The following BRPF1 variants were observed in gnomAD, a reference collection of about 807,000 sequenced individuals.
The protein encoded by BRPF1 is peregrin.
A neutral mutation model predicts 115.0 loss-of-function variants in BRPF1; 15 were observed. The ratio of observed to expected loss-of-function variants is 0.13; its 90% confidence interval spans 0.09 to 0.20. The LOEUF (loss-of-function observed/expected upper bound fraction) is 0.20, where lower values mean the gene tolerates loss of function less well. Ranked by LOEUF, BRPF1 falls within the 10% of genes least tolerant of loss-of-function variation. The probability of loss-of-function intolerance (pLI) is 1.00; values close to 1 mark genes in which losing one functional copy is unlikely to be tolerated. For synonymous variants in BRPF1, 647 were observed against 619.8 expected, an observed-to-expected ratio of 1.04 and a Z score of -0.65; for missense variants, 1,118 against 1,638.3, an observed-to-expected ratio of 0.68 and a Z score of 5.48.
At chr3:9,732,387 A>T (rs2076868202) in intron 1 of BRPF1, 1 of 152,208 alleles carries the variant, frequency 6.6e-6, no homozygotes, top group African/African-American at 2.4e-5. Context: ...ACGCCGCCGC[A>T]TCCGGAGAGT....
At chr3:9,744,637 C>T in intron 9 of BRPF1, 129 bp downstream of exon 9, 1 of 696,524 alleles carries the variant, frequency 1.4e-6, no homozygotes, top group South Asian at 2.2e-5. Context: ...AATCCTTTAA[C>T]TCCACTCACT....
At chr3:9,741,564 G>A (rs760217257) in intron 5 of BRPF1, 125 bp downstream of exon 5, 49 of 1,045,130 alleles carry the variant, frequency 4.7e-5, no homozygotes, top group African/African-American at 6.6e-5. Flanking sequence ...GTGAACCTGG[G>A]AGGAGGGGTT....
chr3:9,735,321 C>G (rs1035364737), intron 2 of BRPF1, among the ~76,000 whole-genome samples: 1 of 152,156 alleles, frequency 6.6e-6, no homozygotes, highest in African/African-American at 2.4e-5. Context: ...CCAGACTTAT[C>G]TGAAATCACA....
At position 9,739,756 on chromosome 3, in the gene BRPF1, G is replaced by A. The variant is rs376628114; in HGVS notation, c.1357G>A (p.Ala453Thr). 6.2e-7 allele frequency: 1 copy of A among 1,614,232 alleles called. No homozygotes were observed. The highest frequency in any genetic ancestry group is 8.5e-7 in the Non-Finnish European group (1 of 1,180,022). The change falls in exon 3 of 14, where the codon GCA becomes ACA. Residue 453 changes from alanine to threonine, a missense_variant. Coordinates refer to ENST00000383829, the MANE Select transcript of BRPF1 (RefSeq NM_001003694.2). Reference protein sequence around the residue: ...YCDIHTPPGSARRLPALSHSE... With the variant: ...YCDIHTPPGSTRRLPALSHSE... ...CGACATCCACACGCCTCCAGGTTCA[G>A]CACGCCGACTGCCTGCCCTGTCCCA...
rs1405478969 is a variant in BRPF1, at chr3:9,745,711, TAAGTTCCCTTGCCCAAGG to T, written c.3205+3_3205+20del. The T allele has an allele frequency of 6.2e-7, 1 of 1,613,896 alleles. No individual in the cohort carries two copies. Among genetic ancestry groups the T allele is most frequent in the Admixed American group, 1.7e-5 (1 of 60,032 alleles). ...CTGGCCGCGGCGTGGGCCACAGCAG[TAAGTTCCCTTGCCCAAGG>T]CCAGGGATGCTGGGGACCCAGTGTC... On this transcript the variant is annotated splice_donor_5th_base_variant and intron_variant, in intron 11 of 13. Coordinates refer to ENST00000383829, the MANE Select transcript of BRPF1 (RefSeq NM_001003694.2). This position sits in a 1 kb window ranked among gnomAD's most constrained non-coding sequence, Gnocchi z 5.1.
At chr3:9,746,249 G>C in intron 12 of BRPF1, 51 bp from the exon 13 acceptor site, 1 of 1,495,988 alleles carries the variant, frequency 6.7e-7, no homozygotes, top group Non-Finnish European at 8.9e-7. Context: ...AGGAGGAAAA[G>C]CCTTGGGAGG....
chr3:9,734,882 A>C lies in BRPF1; in HGVS notation c.599+143A>C. 2 of 977,196 alleles carry C rather than the reference A, an allele frequency of 2.0e-6. No individual in the cohort carries two copies. Among genetic ancestry groups the C allele is most frequent in the Non-Finnish European group, 3.0e-6 (2 of 664,462 alleles). The allele number at this position is 977,196 out of a possible 1,614,324, so 60.5% of individuals were successfully genotyped here. On this transcript the variant is annotated intron_variant, in intron 2 of 13. Transcript: ENST00000383829. This position sits in a 1 kb window ranked among gnomAD's most constrained non-coding sequence, Gnocchi z 5.7. Reference sequence around the variant, plus strand: ...TGATTTTGCCAGGGCAGTGAGTGGAATGGTACGCCACTAATGCACTTACTC... The same window carrying C: ...TGATTTTGCCAGGGCAGTGAGTGGACTGGTACGCCACTAATGCACTTACTC...
chr3:9,743,161 G>A lies in BRPF1; in HGVS notation c.2219G>A (p.Arg740His), dbSNP rs1359599082. 5.6e-6 allele frequency: 9 copies of A among 1,614,092 alleles called. No individual in the cohort carries two copies. Among genetic ancestry groups the A allele is most frequent in the Middle Eastern group, 1.6e-4 (1 of 6,084 alleles). ...GGTGCTGTGCTCCGCCAGGCCCGGCGCCAGGCAGAAAAAATGGGCATTGAC... is the reference window on the plus strand; with the variant it reads ...GGTGCTGTGCTCCGCCAGGCCCGGCACCAGGCAGAAAAAATGGGCATTGAC... ...QGGAVLRQARRQAEKMGIDFE... is the reference protein window; with the variant it reads ...QGGAVLRQARHQAEKMGIDFE... The change falls in exon 7 of 14, where the codon CGC becomes CAC. Residue 740 changes from arginine to histidine, a missense_variant. Physicochemically the swap from Arg to His is conservative, Grantham distance 29. This residue lies in a region of BRPF1 where 223 missense variants were observed against 240.7 expected (regional missense o/e 0.93). Coordinates refer to ENST00000383829, the MANE Select transcript of BRPF1 (RefSeq NM_001003694.2). The surrounding 1 kb of genome is among the most constrained non-coding windows in gnomAD (Gnocchi z 6.1).
intron 9 of BRPF1, among the ~76,000 whole-genome samples, 178 bp downstream of exon 9, chr3:9,744,686 C>T (rs188634385): frequency 4.6e-5 from 7 of 152,360 alleles, no homozygotes; most frequent in Admixed American, 3.9e-4. Context: ...AGAGACACTA[C>T]GACCCAGCTA....
At position 9,747,137 on chromosome 3, in the gene BRPF1, A is replaced by G; in HGVS notation, c.3480-29A>G. ...GCTGGTCCTTGTTCTCCCTGAGATG[A>G]TTTATTTGATCTTCACCTTATCCTA... is the stretch of plus-strand genomic sequence containing the variant. On this transcript the variant is annotated intron_variant, in intron 13 of 13. Transcript: ENST00000383829. This position sits in a 1 kb window ranked among gnomAD's most constrained non-coding sequence, Gnocchi z 5.6. 2 of 1,612,278 alleles carry G rather than the reference A, an allele frequency of 1.2e-6. No homozygotes were observed. The highest frequency in any genetic ancestry group is 2.2e-5 in the South Asian group (2 of 91,024).
Position 9,747,469 on chromosome 3 carries a change from G to C in BRPF1, c.*120G>C. The C allele has an allele frequency of 1.6e-6, 2 of 1,277,066 alleles. No homozygotes were observed. Among genetic ancestry groups the C allele is most frequent in the East Asian group, 2.5e-5 (1 of 40,478 alleles). The allele number at this position is 1,277,066 out of a possible 1,614,324, so 79.1% of individuals were successfully genotyped here. On this transcript the variant is annotated 3_prime_UTR_variant, in exon 14 of 14. Coordinates refer to ENST00000383829, the MANE Select transcript of BRPF1 (RefSeq NM_001003694.2). This position sits in a 1 kb window ranked among gnomAD's most constrained non-coding sequence, Gnocchi z 5.6. ...ATTTCTGGTCTTGGGGCCAGTCTCA[G>C]GGGAAGCTGGGTGGGGGAGGTCCCT...
chr3:9,746,866 T>C (rs2077135214), intron 13 of BRPF1, among the ~76,000 whole-genome samples: 1 of 152,220 alleles, frequency 6.6e-6, no homozygotes, highest in African/African-American at 2.4e-5. Context: ...GCAGAGGATA[T>C]TCAATGTCAG....
In BRPF1 at chr3:9,745,190, G is replaced by A; in HGVS notation, c.3068+35G>A. 1 of 1,605,410 alleles carries A rather than the reference G, an allele frequency of 6.2e-7. No homozygotes were observed. The highest frequency in any genetic ancestry group is 8.5e-7 in the Non-Finnish European group (1 of 1,176,486). ...CTCCAGATCGAGGCCAACCTCAGGG[G>A]ATGCCCTTCCAGGGCTCTTGGGCCT... is the stretch of plus-strand genomic sequence containing the variant. On this transcript the variant is annotated intron_variant, in intron 10 of 13. Coordinates refer to ENST00000383829, the MANE Select transcript of BRPF1 (RefSeq NM_001003694.2). The surrounding 1 kb of genome is among the most constrained non-coding windows in gnomAD (Gnocchi z 5.1).
chr3:9,741,666 G>C (rs1303762796), intron 5 of BRPF1, among the ~76,000 whole-genome samples: 1 of 150,804 alleles, frequency 6.6e-6, no homozygotes, highest in African/African-American at 2.4e-5. Flanking sequence ...AGACCCAGGA[G>C]AAGGAATAGC....
In BRPF1 at chr3:9,734,520, A is replaced by G. The variant is rs752723559; in HGVS notation, c.380A>G (p.Glu127Gly). ...GTGTCAGAGGATGAGGAAGCCCCCG[A>G]GGAGGCCCCTGAGAATGGCAGCAAC... ...DVVSEDEEAP[E>G]EAPENGSNKE... Residue 127 changes from glutamate (E) to glycine (G), a missense_variant, in exon 2 of 14, where the codon GAG (glutamate) becomes GGG (glycine). By Grantham distance (98) the Glu-to-Gly change is moderately conservative (BLOSUM62 -2). Transcript: ENST00000383829. The surrounding 1 kb of genome is among the most constrained non-coding windows in gnomAD (Gnocchi z 5.7). 68 of 1,614,006 alleles carry G rather than the reference A, an allele frequency of 4.2e-5. No individual in the cohort carries two copies. In the Admixed American group the frequency reaches 1.1e-3, roughly 26 times the overall value.
chr3:9,738,758 C>T (rs140174113), intron 2 of BRPF1, among the ~76,000 whole-genome samples: 1 of 152,346 alleles, frequency 6.6e-6, no homozygotes, highest in Non-Finnish European at 1.5e-5. Flanking sequence ...ATCCCAGCTC[C>T]ACCACTTTCT....
At chr3:9,746,051 G>A (rs954950040) in intron 12 of BRPF1, 121 bp downstream of exon 12, 2 of 1,212,942 alleles carry the variant, frequency 1.6e-6, no homozygotes, top group African/African-American at 1.5e-5. Flanking sequence ...AGGTAGACTG[G>A]TGGGCAGATA....
intron 9 of BRPF1, 44 bp from the exon 10 acceptor site, chr3:9,744,964 C>T (rs751996004): frequency 1.2e-6 from 2 of 1,613,682 alleles, no homozygotes; most frequent in Non-Finnish European, 1.7e-6. Flanking sequence ...TGATCTACAT[C>T]TTCCTGACCG....
rs975208849 is a variant in BRPF1, at chr3:9,732,019, T to G, written c.-130T>G. ...GCGGCAGGGGGCCGGGGTGGCGAGG[T>G]CTACGGTCTCCGGAGTTGGGGCTCC... is the stretch of plus-strand genomic sequence containing the variant. On this transcript the variant is annotated 5_prime_UTR_variant, in exon 1 of 14. Transcript: ENST00000383829. 1 of 151,986 alleles carries G rather than the reference T, an allele frequency of 6.6e-6. No individual in the cohort carries two copies. The highest frequency in any genetic ancestry group is 1.5e-5 in the Non-Finnish European group (1 of 68,088). The allele number at this position is 151,986 out of a possible 1,614,324, so 9.4% of individuals were successfully genotyped here.
Sources: gnomAD v4.1 joint callset for allele counts (sites outside exome capture counted in the v4.1 genomes callset) on GRCh38, gnomAD v4.1.1 for gene constraint, gnomAD v4.1.1 regional missense constraint, Gnocchi (gnomAD v3.1) non-coding constraint, MANE v1.5 for transcripts, NCBI Gene and HGNC (gene_info 2026-07-23, HGNC 2026-07-21) for gene names.